The following IYD variants were observed in gnomAD, a reference collection of about 807,000 sequenced individuals.
The protein encoded by IYD is iodotyrosine deiodinase.
A neutral mutation model predicts 28.4 loss-of-function variants in IYD; 25 were observed. The ratio of observed to expected loss-of-function variants is 0.88; its 90% CI spans 0.64 to 1.23. The LOEUF (loss-of-function observed/expected upper bound fraction) is 1.23. Among genes scored for constraint, IYD ranks in the 50% most tolerant of loss-of-function variants. The pLI is 0.00. For synonymous variants in IYD, 140 were observed against 130.8 expected, an observed-to-expected ratio of 1.07 and a Z score of -0.48; for missense variants, 352 against 357.9, an observed-to-expected ratio of 0.98 and a Z score of 0.13.
At chr6:150,395,905 G>T in intron 4 of IYD, 1 of 531,772 alleles carries the variant, frequency 1.9e-6, no homozygotes, top group Non-Finnish European at 3.4e-6. Flanking sequence ...GTACCCCTTG[G>T]CCACTGAGTC....
rs769827705 is a variant in IYD, at chr6:150,394,200, A to T, written c.632A>T (p.Tyr211Phe). The change falls in exon 4 of 5, where the codon TAC becomes TTC. Residue 211 changes from tyrosine to phenylalanine, a missense_variant. By Grantham distance (22) the Tyr-to-Phe change is conservative. Transcript: ENST00000344419. ...GCAAATGGCAAGAAAAAAGTCCACTACTACAATGAGATCAGTGTTTCCATC... is the reference window on the plus strand; with the variant it reads ...GCAAATGGCAAGAAAAAAGTCCACTTCTACAATGAGATCAGTGTTTCCATC... ...FAANGKKKVH[Y>F]YNEISVSIAC... The T allele has an allele frequency of 3.1e-6, 5 of 1,614,214 alleles. No individual in the cohort carries two copies.
rs952444443 is a variant in IYD, at chr6:150,400,218, T to C, written c.*1981T>C. The C allele has an allele frequency of 1.3e-5, 2 of 152,164 alleles. No homozygotes were observed. Among genetic ancestry groups the C allele is most frequent in the Non-Finnish European group, 2.9e-5 (2 of 68,028 alleles). The allele number at this position is 152,164 out of a possible 1,614,324, so 9.4% of individuals were successfully genotyped here. A position where few individuals can be genotyped will look rare whatever the true frequency, so the allele number is the denominator to read the frequency against. On this transcript the variant is annotated 3_prime_UTR_variant, in exon 5 of 5. Coordinates refer to ENST00000344419, the MANE Select transcript of IYD (RefSeq NM_203395.3). Reference sequence around the variant, plus strand: ...CCCCATCAGAGACCAACTTGAAAGATTTTTTTCTCTGTGTAGTTCGTGTTA... The same window carrying C: ...CCCCATCAGAGACCAACTTGAAAGACTTTTTTCTCTGTGTAGTTCGTGTTA...
intron 1 of IYD, chr6:150,370,603 C>A (rs1030795813): frequency 2.0e-6 from 2 of 985,282 alleles, no homozygotes; most frequent in African/African-American, 3.5e-5. Context: ...CCACTCAGAA[C>A]GTCAATTCTA....
chr6:150,373,830 T>C (rs986870909), intron 1 of IYD, among the ~76,000 whole-genome samples: 1 of 152,252 alleles, frequency 6.6e-6, no homozygotes, highest in African/African-American at 2.4e-5. Flanking sequence ...CAATCAGCTT[T>C]GTCTTAGACA....
intron 2 of IYD, among the ~76,000 whole-genome samples, chr6:150,390,751 AC>A (rs1223489155): frequency 6.6e-6 from 1 of 152,126 alleles, no homozygotes; most frequent in Non-Finnish European, 1.5e-5. Flanking sequence ...TTGAGGGACG[AC>A]ACCCAGATCA....
chr6:150,381,848 T>A (rs1408348117), intron 1 of IYD, among the ~76,000 whole-genome samples: 2 of 152,262 alleles, frequency 1.3e-5, no homozygotes, highest in Admixed American at 6.5e-5. Context: ...TGTATAGTAT[T>A]CTGTTATATG....
Position 150,395,749 on chromosome 6 carries a change from G to A in IYD, c.687+1494G>A, listed in dbSNP as rs77143354. On this transcript the variant is annotated intron_variant, in intron 4 of 4. Coordinates refer to ENST00000344419, the MANE Select transcript of IYD (RefSeq NM_203395.3). ...AGCGCGCCATGCATGTCTTGTAGAG[G>A]CAGCTTCCAGAACTTCCTGGTCAGG... 3,625 of 688,780 alleles carry A rather than the reference G, an allele frequency of 5.3e-3. 87 individuals are homozygous for A. In the African/African-American group the frequency reaches 0.057, roughly 11 times the overall value. The allele number at this position is 688,780 out of a possible 1,614,324, so 42.7% of individuals were successfully genotyped here. A position where few individuals can be genotyped will look rare whatever the true frequency, so the allele number is the denominator to read the frequency against.
rs912983457 is a variant in IYD at position 150,405,558 on chromosome 6, G to A, written c.*7321G>A. 1 of 152,214 alleles carries A rather than the reference G, an allele frequency of 6.6e-6. No individual in the cohort carries two copies. Among genetic ancestry groups the A allele is most frequent in the Non-Finnish European group, 1.5e-5 (1 of 68,066 alleles). 9.4% of individuals were successfully genotyped at this position (152,214 alleles called of 1,614,324 possible). A position where few individuals can be genotyped will look rare whatever the true frequency, so the allele number is the denominator to read the frequency against. ...AGGAAACTTACAATCATGGCAGAAA[G>A]AAAAGCAAACATGCCCTTCTTCACA... is the stretch of plus-strand genomic sequence containing the variant. On this transcript the variant is annotated 3_prime_UTR_variant, in exon 5 of 5. Coordinates refer to ENST00000344419, the MANE Select transcript of IYD (RefSeq NM_203395.3).
chr6:150,404,205 T>C lies in IYD; in HGVS notation c.*5968T>C, dbSNP rs1444130238. ...TCTGTTCCCTTATTGGGTAAATGATTTTCCAACTCTGGGAATGTGTAGAAT... is the reference window on the plus strand; with the variant it reads ...TCTGTTCCCTTATTGGGTAAATGATCTTCCAACTCTGGGAATGTGTAGAAT... On this transcript the variant is annotated 3_prime_UTR_variant, in exon 5 of 5. Coordinates refer to ENST00000344419, the MANE Select transcript of IYD (RefSeq NM_203395.3). The C allele has an allele frequency of 1.3e-5, 2 of 152,206 alleles. No homozygotes were observed. The highest frequency in any genetic ancestry group is 2.9e-5 in the Non-Finnish European group (2 of 68,032). The allele number at this position is 152,206 out of a possible 1,614,324, so 9.4% of individuals were successfully genotyped here.
In IYD at chr6:150,404,567, A is replaced by G. The variant is rs191963666; in HGVS notation, c.*6330A>G. On this transcript the variant is annotated 3_prime_UTR_variant, in exon 5 of 5. Transcript: ENST00000344419. ...GTGCTAAAATAGAAAATTAAATATGATAAATTACACAAGAAGTTTAGAATG... is the reference window on the plus strand; with the variant it reads ...GTGCTAAAATAGAAAATTAAATATGGTAAATTACACAAGAAGTTTAGAATG... The G allele has an allele frequency of 1.2e-4, 18 of 152,358 alleles. No individual in the cohort carries two copies. The East Asian group carries it at 3.5e-3, about 29-fold the overall frequency. The allele number at this position is 152,358 out of a possible 1,614,324, so 9.4% of individuals were successfully genotyped here.
chr6:150,388,985 A>C (rs1177774456), intron 1 of IYD, among the ~76,000 whole-genome samples: 1 of 152,034 alleles, frequency 6.6e-6, no homozygotes, highest in African/African-American at 2.4e-5. Context: ...TATAGGCGTA[A>C]GCCACCACGC....
chr6:150,377,364 C>T (rs1305352563), intron 1 of IYD, among the ~76,000 whole-genome samples: 1 of 152,158 alleles, frequency 6.6e-6, no homozygotes, highest in African/African-American at 2.4e-5. Context: ...GTCAGGAGTT[C>T]AAGAGAAGGG....
At chr6:150,375,932 A>G (rs1425425262) in intron 1 of IYD, among the ~76,000 whole-genome samples, 1 of 152,220 alleles carries the variant, frequency 6.6e-6, no homozygotes, top group African/African-American at 2.4e-5. Flanking sequence ...GTCCATTTGC[A>G]AAGACTGTGT....
Position 150,389,369 on chromosome 6 carries a change from G to C in IYD, c.196G>C (p.Glu66Gln), listed in dbSNP as rs766062033. 6 of 1,613,548 alleles carry C rather than the reference G, an allele frequency of 3.7e-6. No individual in the cohort carries two copies. The Admixed American group carries it at 6.7e-5, about 18-fold the overall frequency. The change falls in exon 2 of 5, where the codon GAA (glutamate) becomes CAA (glutamine). Residue 66 changes from glutamate to glutamine, a missense_variant. By Grantham distance (29) the Glu-to-Gln change is conservative (BLOSUM62 2). Transcript: ENST00000344419. ...ATTTGCAGATGCTGATGAATGGCAA[G>C]AATCAGAAGAAAATGTTGAACACAT... ...QAEEDADEWQ[E>Q]SEENVEHIPF...
intron 1 of IYD, among the ~76,000 whole-genome samples, chr6:150,379,951 C>A (rs2115027022): frequency 6.6e-6 from 1 of 152,322 alleles, no homozygotes; most frequent in East Asian, 1.9e-4. Flanking sequence ...CCATGCTATG[C>A]ATGTTAGAAT....
At chr6:150,391,151 C>T (rs3734736) in intron 2 of IYD, among the ~76,000 whole-genome samples, 26,040 of 151,158 alleles carry the variant, frequency 0.17, 2,389 homozygotes, top group East Asian at 0.25. Context: ...GCAGGAGAAT[C>T]GCTTGAACCC....
chr6:150,370,306 TGA>T (rs1777185821), intron 1 of IYD, among the ~76,000 whole-genome samples: 1 of 151,342 alleles, frequency 6.6e-6, no homozygotes, highest in Non-Finnish European at 1.5e-5. Context: ...TGTGTGTGCA[TGA>T]GTGTGTGTGC....
At chr6:150,387,258 G>T (rs1411007223) in intron 1 of IYD, among the ~76,000 whole-genome samples, 3 of 151,992 alleles carry the variant, frequency 2.0e-5, no homozygotes, top group East Asian at 3.9e-4. Context: ...TGTAGCAGCT[G>T]TGTTTAATGT....
intron 1 of IYD, among the ~76,000 whole-genome samples, chr6:150,371,943 A>G (rs1039293920): frequency 1.3e-5 from 2 of 152,198 alleles, no homozygotes; most frequent in Non-Finnish European, 2.9e-5. Context: ...CCCTGCTCTC[A>G]GTCACAGGGT....
Sources: gnomAD v4.1 joint callset for allele counts (sites outside exome capture counted in the v4.1 genomes callset) on GRCh38, gnomAD v4.1.1 for gene constraint, MANE v1.5 for transcripts, NCBI Gene and HGNC (gene_info 2026-07-23, HGNC 2026-07-21) for gene names.